The following AOAH variants were observed in gnomAD, a reference collection of about 807,000 sequenced individuals.
AOAH encodes the protein acyloxyacyl hydrolase (neutrophil).
AOAH carries 64 observed loss-of-function variants against 92.2 expected under a neutral mutation model. The ratio of observed to expected loss-of-function variants is 0.69; its 90% CI spans 0.57 to 0.86. The LOEUF (loss-of-function observed/expected upper bound fraction) is 0.86. AOAH is among the 40% of genes least tolerant of loss of function. The probability of loss-of-function intolerance (pLI) is 0.00; values close to 1 mark genes in which losing one functional copy is unlikely to be tolerated. For missense variants in AOAH, 656 were observed against 694.6 expected (o/e 0.94, Z 0.62); for synonymous variants, 263 against 254.5 (o/e 1.03, Z -0.32).
intron 11 of AOAH, 126 bp from the exon 12 acceptor site, chr7:36,594,556 G>A (rs1429638635): frequency 1.2e-6 from 1 of 817,572 alleles, no homozygotes; most frequent in South Asian, 1.5e-5. Flanking sequence ...CTCGCTTTAA[G>A]GGCTTTTGGT....
chr7:36,661,808 T>C (rs1256064532), intron 3 of AOAH, among the ~76,000 whole-genome samples: 1 of 152,326 alleles, frequency 6.6e-6, no homozygotes, highest in East Asian at 1.9e-4. Context: ...CTCTCCTCTC[T>C]GCTTTCTTTC....
intron 15 of AOAH, among the ~76,000 whole-genome samples, chr7:36,546,800 A>G (rs1170007447): frequency 1.3e-5 from 2 of 152,230 alleles, no homozygotes; most frequent in African/African-American, 4.8e-5. Context: ...GATGGCAGCT[A>G]GAGCCTGAAG....
rs1457551847 is a variant in AOAH at position 36,632,097 on chromosome 7, T to C, written c.460A>G (p.Arg154Gly). Residue 154 changes from arginine (R) to glycine (G), a missense_variant, in exon 6 of 21, where the codon AGA (arginine) becomes GGA (glycine). Physicochemically the swap from Arg to Gly is moderately radical, Grantham distance 125. Transcript: ENST00000617537. ...AGTGAACAAATGTCAGAACCACTTC[T>C]AGAATATTTCTGGGGAGAAAAAAAA... is the stretch of plus-strand genomic sequence containing the variant. ...VKKSPILKYS[R>G]SGSDICSLPV... 26 of 1,610,964 alleles carry C rather than the reference T, an allele frequency of 1.6e-5. No homozygotes were observed. The highest frequency in any genetic ancestry group is 2.2e-5 in the Non-Finnish European group (26 of 1,178,830).
chr7:36,548,571 G>A lies in AOAH; in HGVS notation c.1133+41C>T, dbSNP rs775338418. 3.2e-6 allele frequency: 5 copies of A among 1,557,302 alleles called. No individual in the cohort carries two copies. In the East Asian group the frequency reaches 1.1e-4, roughly 35 times the overall value. On this transcript the variant is annotated intron_variant, in intron 15 of 20. Coordinates refer to ENST00000617537, the MANE Select transcript of AOAH (RefSeq NM_001637.4). ...TGAGGAGAGGGTGGGGAAGAGCCCA[G>A]AGCCAAAGAATCTTGAAAATACTTT...
chr7:36,700,779 G>T (rs1797983910), intron 1 of AOAH, among the ~76,000 whole-genome samples: 1 of 151,998 alleles, frequency 6.6e-6, no homozygotes, highest in Non-Finnish European at 1.5e-5. Flanking sequence ...CACAGAGGTT[G>T]TACTAATTTG....
intron 13 of AOAH, among the ~76,000 whole-genome samples, chr7:36,555,985 C>T (rs1355946312): frequency 6.6e-6 from 1 of 152,114 alleles, no homozygotes; most frequent in African/African-American, 2.4e-5. Flanking sequence ...CTATTTCCTT[C>T]AGTTCTGCTC....
At chr7:36,622,221 C>G (rs759248519) in intron 7 of AOAH, among the ~76,000 whole-genome samples, 7 of 152,114 alleles carry the variant, frequency 4.6e-5, no homozygotes, top group Non-Finnish European at 1.0e-4. Context: ...GTATGTGTGT[C>G]TACAAGCACC....
intron 4 of AOAH, among the ~76,000 whole-genome samples, chr7:36,649,231 G>T (rs7804801): frequency 0.33 from 49,593 of 152,064 alleles, 8,177 homozygotes; most frequent in South Asian, 0.44. Context: ...AAATTTGATT[G>T]CTCTGGAAAG....
chr7:36,531,961 C>A (rs370107440), intron 18 of AOAH, among the ~76,000 whole-genome samples, 186 bp downstream of exon 18: 47 of 152,178 alleles, frequency 3.1e-4, no homozygotes, highest in East Asian at 1.9e-3. Flanking sequence ...AGACCCAGAG[C>A]AAGACAGAGG....
chr7:36,594,215 A>G, intron 12 of AOAH, 124 bp downstream of exon 12: 1 of 772,278 alleles, frequency 1.3e-6, no homozygotes, highest in Non-Finnish European at 2.2e-6. Context: ...GGATGAACTC[A>G]AATTCATGTT....
At position 36,618,333 on chromosome 7, in the gene AOAH, T is replaced by C; in HGVS notation, c.715A>G (p.Lys239Glu). ...TTCTTCTCATATGGAACTCCATCTT[T>C]TGGATCGACACCCTTTAAAAAAGAA... is the stretch of plus-strand genomic sequence containing the variant. ...NCNGIWGVDP[K>E]DGVPYEKKFC... Residue 239 changes from lysine (K) to glutamate (E), a missense_variant, in exon 10 of 21, where the codon AAA becomes GAA. By Grantham distance (56) the Lys-to-Glu change is moderately conservative (BLOSUM62 1). Coordinates refer to ENST00000617537, the MANE Select transcript of AOAH (RefSeq NM_001637.4). 6.2e-7 allele frequency: 1 copy of C among 1,614,126 alleles called. No homozygotes were observed. Among genetic ancestry groups the C allele is most frequent in the African/African-American group, 1.3e-5 (1 of 75,076 alleles).
intron 1 of AOAH, 59 bp from the exon 2 acceptor site, chr7:36,686,853 C>T: frequency 1.7e-6 from 2 of 1,166,658 alleles, no homozygotes; most frequent in Non-Finnish European, 2.4e-6. Context: ...ACTGGAGGGA[C>T]AGGAGAAAGA....
chr7:36,532,245 G>T (rs561558480), intron 17 of AOAH, 39 bp from the exon 18 acceptor site: 14 of 1,614,052 alleles, frequency 8.7e-6, no homozygotes, highest in African/African-American at 5.3e-5. Context: ...AGAGGATCAG[G>T]GTAGGTAAGC....
At chr7:36,693,931 T>C (rs1797557411) in intron 1 of AOAH, among the ~76,000 whole-genome samples, 1 of 152,180 alleles carries the variant, frequency 6.6e-6, no homozygotes, top group Non-Finnish European at 1.5e-5. Flanking sequence ...ACCTTTGATA[T>C]AGCAATGTCA....
chr7:36,569,470 AATCTATCTATCTATCTATCTATCT>A (rs10581908), intron 13 of AOAH, among the ~76,000 whole-genome samples: 2 of 147,954 alleles, frequency 1.4e-5, no homozygotes, highest in African/African-American at 2.5e-5. Context: ...TACTTAAAAA[AATCTATCTATCTATCTATCTATCT>A]ATCTATCTAT....
At chr7:36,662,537 G>A (rs540370438) in intron 3 of AOAH, among the ~76,000 whole-genome samples, 2 of 152,304 alleles carry the variant, frequency 1.3e-5, no homozygotes, top group African/African-American at 4.8e-5. Context: ...CAACTTAATT[G>A]TTCATTTATT....
At position 36,563,995 on chromosome 7, in the gene AOAH, A is replaced by T. The variant is rs557155218; in HGVS notation, c.1021+12579T>A. On this transcript the variant is annotated intron_variant, in intron 13 of 20. Coordinates refer to ENST00000617537, the MANE Select transcript of AOAH (RefSeq NM_001637.4). Reference sequence around the variant, plus strand: ...TTTCAGCTAAATGATTCTCTAAAACATAGATTTTTAAAAGGATGCATAATA... The same window carrying T: ...TTTCAGCTAAATGATTCTCTAAAACTTAGATTTTTAAAAGGATGCATAATA... Among the ~76,000 whole-genome samples the T allele has an allele frequency of 3.9e-5, 6 of 152,296 alleles. No homozygotes were observed. In the South Asian group the frequency reaches 6.2e-4, roughly 16 times the overall value.
chr7:36,660,336 C>T (rs62445881), intron 3 of AOAH, among the ~76,000 whole-genome samples: 38,853 of 151,980 alleles, frequency 0.26, 5,169 homozygotes, highest in African/African-American at 0.33. Context: ...GTTTTTTTGA[C>T]GCAGAGTCTT....
intron 1 of AOAH, among the ~76,000 whole-genome samples, chr7:36,695,007 C>G (rs180898354): frequency 0.011 from 1,658 of 152,202 alleles, 40 homozygotes; most frequent in Admixed American, 0.056. Context: ...ATACACAAAC[C>G]TACTTGCTAA....
Sources: gnomAD v4.1 joint callset for allele counts (sites outside exome capture counted in the v4.1 genomes callset) on GRCh38, gnomAD v4.1.1 for gene constraint, MANE v1.5 for transcripts, NCBI Gene and HGNC (gene_info 2026-07-23, HGNC 2026-07-21) for gene names.